Variants in MLLT6 observed in about 807,000 individuals in gnomAD.
MLLT6 encodes the protein MLLT6, PHD finger containing, also known as protein AF-17.
Under a neutral mutation model 103.0 loss-of-function variants are expected in MLLT6, and 22 were observed. The ratio of observed to expected loss-of-function variants is 0.21; its 90% CI spans 0.15 to 0.31. MLLT6 has a LOEUF of 0.31. MLLT6 is among the 10% of genes least tolerant of loss of function. The probability of loss-of-function intolerance (pLI) is 1.00; values close to 1 mark genes in which losing one functional copy is unlikely to be tolerated. For synonymous variants in MLLT6, 606 were observed against 623.5 expected (o/e 0.97, Z 0.42); for missense variants, 1,199 against 1,441.7 (o/e 0.83, Z 2.73).
At chr17:38,720,347 C>G (rs1216617130) in intron 14 of MLLT6, 25 bp from the exon 15 acceptor site, 1 of 1,585,684 alleles carries the variant, frequency 6.3e-7, no homozygotes, top group East Asian at 2.3e-5. Context: ...TCGCCCCTCC[C>G]TCAGGTTCCT....
At chr17:38,711,039 C>T (rs1330966744) in intron 6 of MLLT6, among the ~76,000 whole-genome samples, 1 of 152,154 alleles carries the variant, frequency 6.6e-6, no homozygotes, top group African/African-American at 2.4e-5. Flanking sequence ...AAGAGGGGGC[C>T]TTGCAGGGTA....
intron 6 of MLLT6, among the ~76,000 whole-genome samples, chr17:38,711,446 T>A (rs889575335): frequency 6.6e-6 from 1 of 152,012 alleles, no homozygotes; most frequent in Non-Finnish European, 1.5e-5. Context: ...AGGGGAGCAC[T>A]GGCTCCCCAC....
chr17:38,721,859 CT>C lies in MLLT6; in HGVS notation c.2443-17del. 6.5e-7 allele frequency: 1 copy of C among 1,530,904 alleles called. No individual in the cohort carries two copies. Among genetic ancestry groups the C allele is most frequent in the South Asian group, 1.2e-5 (1 of 83,976 alleles). The allele number at this position is 1,530,904 out of a possible 1,614,324, so 94.8% of individuals were successfully genotyped here. A position where few individuals can be genotyped will look rare whatever the true frequency, so the allele number is the denominator to read the frequency against. ...GTCATGCTGGCCCTCTGACCCCTCC[CT>C]TCCCCCTCCCTCCCCAGGACCCACA... On this transcript the variant is annotated intron_variant, in intron 16 of 19. Transcript: ENST00000621332.
rs572181745 is a variant in MLLT6, at chr17:38,724,258, AAAAAG to A, written c.2884-342_2884-338del. ...GTGACAGAGCAAGACTCCGTCTCAC[AAAAAG>A]AAAAGAAAAGAAAAGAAAACTATTG... On this transcript the variant is annotated intron_variant, in intron 18 of 19. Transcript: ENST00000621332. This position sits in a 1 kb window ranked among gnomAD's most constrained non-coding sequence, Gnocchi z 5.4. 1,525 of 205,104 alleles carry A rather than the reference AAAAAG, an allele frequency of 7.4e-3. 20 individuals carry two copies. The highest frequency in any genetic ancestry group is 0.029 in the African/African-American group (1,252 of 43,630). The allele number at this position is 205,104 out of a possible 1,614,324, so 12.7% of individuals were successfully genotyped here.
chr17:38,705,663 T>C lies in MLLT6; in HGVS notation c.31T>C (p.Cys11Arg), dbSNP rs1051470859. The C allele has an allele frequency of 1.3e-6, 2 of 1,567,222 alleles. No homozygotes were observed. MKEMVGGCCV[C>R]SDERGWAENP... The stretch of plus-strand genomic sequence containing the variant: ...GGAGATGGTAGGAGGCTGCTGCGTA[T>C]GTTCGGACGAGAGGGGCTGGGCCGA... Residue 11 changes from cysteine (C) to arginine (R), a missense_variant, in exon 1 of 20, where the codon TGT (cysteine) becomes CGT (arginine). Physicochemically the swap from Cys to Arg is radical, Grantham distance 180 (BLOSUM62 -3). This residue lies in a region of MLLT6 where 24 missense variants were observed against 38.7 expected (regional missense o/e 0.62). Coordinates refer to ENST00000621332, the MANE Select transcript of MLLT6 (RefSeq NM_005937.4).
rs1421502747 is a variant in MLLT6, at chr17:38,719,497, C to T, written c.1943-20C>T. 6.3e-7 allele frequency: 1 copy of T among 1,599,028 alleles called. No homozygotes were observed. Among genetic ancestry groups the T allele is most frequent in the East Asian group, 2.2e-5 (1 of 44,498 alleles). ...AGCTACCACTCCTCCACGCTGATCC[C>T]AGCCTTCCCTTCTTCCAAGAGCCAG... On this transcript the variant is annotated intron_variant, in intron 12 of 19. Transcript: ENST00000621332.
chr17:38,728,375 T>C lies in MLLT6; in HGVS notation c.*2777T>C, dbSNP rs185391229. 1 of 233,268 alleles carries C rather than the reference T, an allele frequency of 4.3e-6. No homozygotes were observed. Among genetic ancestry groups the C allele is most frequent in the African/African-American group, 2.2e-5 (1 of 45,436 alleles). 14.4% of individuals were successfully genotyped at this position (233,268 alleles called of 1,614,324 possible). A position where few individuals can be genotyped will look rare whatever the true frequency, so the allele number is the denominator to read the frequency against. On this transcript the variant is annotated 3_prime_UTR_variant, in exon 20 of 20. Transcript: ENST00000621332. Reference sequence around the variant, plus strand: ...GTGGGAAGGGACCCAGATTTGTAGATCTCTTTGTCTGGGGGAGGGGAAGGA... The same window carrying C: ...GTGGGAAGGGACCCAGATTTGTAGACCTCTTTGTCTGGGGGAGGGGAAGGA...
intron 9 of MLLT6, 125 bp downstream of exon 9, chr17:38,715,953 A>T: frequency 1.1e-6 from 1 of 879,494 alleles, no homozygotes; most frequent in Non-Finnish European, 1.7e-6. Flanking sequence ...CAGGATAAAG[A>T]TGGGGAATCC....
rs1290894955 is a variant in MLLT6 at position 38,705,566 on chromosome 17, T to TC, written c.-61dup. The TC allele has an allele frequency of 2.4e-5, 6 of 246,006 alleles. No individual in the cohort carries two copies. Among genetic ancestry groups the TC allele is most frequent in the South Asian group, 9.5e-5 (2 of 20,972 alleles). 15.2% of individuals were successfully genotyped at this position (246,006 alleles called of 1,614,324 possible). ...GGCGCGCGGCCCCCCGCTCCCTCCC[T>TC]CCCCCCTGACCCCCGACCCCCGCCG... On this transcript the variant is annotated 5_prime_UTR_variant, in exon 1 of 20. An upstream open reading frame in the 5' UTR gains an earlier in-frame stop. Transcript: ENST00000621332.
rs748259194 is a variant in MLLT6 at position 38,709,150 on chromosome 17, G to C, written c.355-23G>C. 4.4e-6 allele frequency: 7 copies of C among 1,592,014 alleles called. No individual in the cohort carries two copies. Among genetic ancestry groups the C allele is most frequent in the Non-Finnish European group, 6.0e-6 (7 of 1,166,940 alleles). On this transcript the variant is annotated intron_variant, in intron 4 of 19. Coordinates refer to ENST00000621332, the MANE Select transcript of MLLT6 (RefSeq NM_005937.4). The surrounding 1 kb of genome is among the most constrained non-coding windows in gnomAD (Gnocchi z 4.3). ...AGAACAGGGGCTCCCTGGAGGAGGG[G>C]ACGATTGCGCTGTGTCCTGCAGACC...
chr17:38,717,988 C>T (rs1188129421), intron 12 of MLLT6, 35 bp downstream of exon 12: 7 of 1,470,902 alleles, frequency 4.8e-6, no homozygotes, highest in Non-Finnish European at 6.6e-6. Flanking sequence ...CCCCTTTCTT[C>T]CCAAAGGTCG....
At chr17:38,712,892 C>T in intron 8 of MLLT6, 103 bp downstream of exon 8, 1 of 810,224 alleles carries the variant, frequency 1.2e-6, no homozygotes. Context: ...GGGCACCCTC[C>T]CCACAGCTTC....
At chr17:38,718,098 G>C (rs1905453580) in intron 12 of MLLT6, 145 bp downstream of exon 12, 1 of 612,004 alleles carries the variant, frequency 1.6e-6, no homozygotes, top group African/African-American at 1.9e-5. Context: ...AAACAGGCCG[G>C]GTGTGGTGGC....
In MLLT6 at chr17:38,717,505, C is replaced by T. The variant is rs1246304783; in HGVS notation, c.1725C>T (p.Leu575=). 3.7e-6 allele frequency: 6 copies of T among 1,613,318 alleles called. No homozygotes were observed. In the South Asian group the frequency reaches 4.4e-5, roughly 12 times the overall value. Reference sequence around the variant, plus strand: ...TGCGGGCTGTCTGCAGCACCCCTCTCTCCTCCAGCCTCCTGGGGCCCCCAG... The same window carrying T: ...TGCGGGCTGTCTGCAGCACCCCTCTTTCCTCCAGCCTCCTGGGGCCCCCAG... ...GMLRAVCSTP[L]SSSLLGPPGT... Residue 575 remains leucine, a synonymous_variant, in exon 11 of 20, where the codon CTC becomes CTT. Coordinates refer to ENST00000621332, the MANE Select transcript of MLLT6 (RefSeq NM_005937.4).
At chr17:38,715,471 C>G (rs924484435) in intron 8 of MLLT6, 141 bp from the exon 9 acceptor site, 1 of 1,397,070 alleles carries the variant, frequency 7.2e-7, no homozygotes, top group Admixed American at 3.0e-5. Flanking sequence ...CTGGCCACTC[C>G]CTGCCCGGAA....
Position 38,709,627 on chromosome 17 carries a change from GT to G in MLLT6, c.552+54del. The G allele has an allele frequency of 6.9e-7, 1 of 1,446,624 alleles. No individual in the cohort carries two copies. Among genetic ancestry groups the G allele is most frequent in the Non-Finnish European group, 9.7e-7 (1 of 1,030,480 alleles). The allele number at this position is 1,446,624 out of a possible 1,614,324, so 89.6% of individuals were successfully genotyped here. A position where few individuals can be genotyped will look rare whatever the true frequency, so the allele number is the denominator to read the frequency against. The stretch of plus-strand genomic sequence containing the variant: ...CGGGTCAGTCAGCTGTGGTAAGATG[GT>G]TAGAGGGCATGGGCTCTGGGCCAGG... On this transcript the variant is annotated intron_variant, in intron 6 of 19. Coordinates refer to ENST00000621332, the MANE Select transcript of MLLT6 (RefSeq NM_005937.4). This position sits in a 1 kb window ranked among gnomAD's most constrained non-coding sequence, Gnocchi z 4.3.
At chr17:38,712,057 T>A (rs377542433) in intron 7 of MLLT6, 43 bp downstream of exon 7, 92 of 1,495,264 alleles carry the variant, frequency 6.2e-5, no homozygotes, top group African/African-American at 9.9e-5. Flanking sequence ...ACACGGGGAC[T>A]TGGAGACTCA....
chr17:38,705,768 C>T (rs756253154), intron 1 of MLLT6, 27 bp downstream of exon 1: 4 of 1,216,534 alleles, frequency 3.3e-6, no homozygotes, highest in African/African-American at 3.2e-5. Flanking sequence ...CGGGGGGCGG[C>T]GGGACCCCGG....
chr17:38,705,446 G>T lies in MLLT6; in HGVS notation c.-187G>T, dbSNP rs866352471. Reference sequence around the variant, plus strand: ...CGGGGGGGGCGGCCAGACAGAGCGAGCGAGGAGGAGGAGGAGGAGGACGCG... The same window carrying T: ...CGGGGGGGGCGGCCAGACAGAGCGATCGAGGAGGAGGAGGAGGAGGACGCG... On this transcript the variant is annotated 5_prime_UTR_variant, in exon 1 of 20. Coordinates refer to ENST00000621332, the MANE Select transcript of MLLT6 (RefSeq NM_005937.4). The T allele has an allele frequency of 1.1e-4, 46 of 429,852 alleles. No homozygotes were observed. The Middle Eastern group carries it at 4.5e-3, about 42-fold the overall frequency. The allele number at this position is 429,852 out of a possible 1,614,324, so 26.6% of individuals were successfully genotyped here.
Sources: allele counts gnomAD v4.1 joint callset (sites outside exome capture counted in the v4.1 genomes callset), GRCh38; gene constraint gnomAD v4.1.1; regional missense constraint gnomAD v4.1.1; non-coding constraint Gnocchi (gnomAD v3.1); transcripts MANE v1.5; gene names NCBI Gene and HGNC (gene_info 2026-07-23, HGNC 2026-07-21).